The following ZNF423 variants were observed in gnomAD, a reference collection of about 807,000 sequenced individuals.
The protein encoded by ZNF423 is zinc finger protein 423.
A neutral mutation model predicts 95.8 loss-of-function variants in ZNF423; 12 were observed. That is an observed-to-expected ratio of 0.13 (90% confidence interval 0.08 to 0.20). The LOEUF (loss-of-function observed/expected upper bound fraction) is 0.20, where lower values mean the gene tolerates loss of function less well. Among genes scored for constraint, ZNF423 ranks in the 10% least tolerant of loss-of-function variants. The pLI is 1.00. For synonymous variants in ZNF423, 749 were observed against 711.9 expected (o/e 1.05, Z -0.83); for missense variants, 1,316 against 1,737.1 (o/e 0.76, Z 4.31).
At chr16:49,525,550 G>T in intron 5 of ZNF423, 56 bp from the exon 6 acceptor site, 2 of 1,607,268 alleles carry the variant, frequency 1.2e-6, no homozygotes, top group Non-Finnish European at 8.5e-7. Context: ...CCCCAGACAG[G>T]TGCTCACAAG....
In ZNF423 at chr16:49,726,856, CAAAAAAAAAAAAAAA is replaced by C. The variant is rs368675702; in HGVS notation, c.301+3900_301+3914del. Reference sequence around the variant, plus strand: ...ATTTAAAAGACAGAGTTCCCCCTAGCAAAAAAAAAAAAAAAAAAAAAAAAAAATGGCGAAGACCAG... The same window carrying C: ...ATTTAAAAGACAGAGTTCCCCCTAGCAAAAAAAAAAAATGGCGAAGACCAG... On this transcript the variant is annotated intron_variant, in intron 3 of 7. Transcript: ENST00000563137. 1.2e-3 allele frequency among the ~76,000 whole-genome samples: 116 copies of C among 94,758 alleles called. 2 individuals are homozygous for C. The highest frequency in any genetic ancestry group is 4.5e-3 in the African/African-American group (110 of 24,334). The allele number at this position is 94,758 out of a possible 152,430, so 62.2% of individuals were successfully genotyped here.
At chr16:49,763,350 C>T (rs914643909) in intron 2 of ZNF423, among the ~76,000 whole-genome samples, 1 of 152,076 alleles carries the variant, frequency 6.6e-6, no homozygotes, top group African/African-American at 2.4e-5. Context: ...ACAATCATGG[C>T]TCACTGCAGC....
intron 5 of ZNF423, among the ~76,000 whole-genome samples, chr16:49,604,909 C>A (rs1971487116): frequency 1.3e-5 from 2 of 152,284 alleles, no homozygotes; most frequent in African/African-American, 4.8e-5. Context: ...CCTGGGAGGG[C>A]AGAATCAGAA....
intron 1 of ZNF423, among the ~76,000 whole-genome samples, chr16:49,851,943 A>G (rs779207094): frequency 6.6e-6 from 1 of 152,216 alleles, no homozygotes; most frequent in Admixed American, 6.5e-5. Flanking sequence ...CCACATAGAA[A>G]GCTAAAGACC....
chr16:49,533,469 CCTT>C (rs779123590), intron 5 of ZNF423, among the ~76,000 whole-genome samples: 20 of 152,338 alleles, frequency 1.3e-4, no homozygotes, highest in Non-Finnish European at 2.5e-4. Context: ...CTCGCTCTCT[CCTT>C]CTCTGAAACT....
intron 1 of ZNF423, chr16:49,854,243 AAGG>A (rs1158837976): frequency 2.0e-6 from 2 of 985,292 alleles, no homozygotes; most frequent in African/African-American, 1.7e-5. Context: ...TCTCAGGGAA[AAGG>A]AGGAGTAGGA....
At chr16:49,625,886 T>C (rs1018248451) in intron 5 of ZNF423, among the ~76,000 whole-genome samples, 5 of 152,222 alleles carry the variant, frequency 3.3e-5, no homozygotes, top group African/African-American at 4.8e-5. Context: ...CCTGAGTGCT[T>C]GACAATTGGA....
rs548768369 is a variant in ZNF423 at position 49,490,372 on chromosome 16, G to A, written c.*903C>T. The A allele has an allele frequency of 6.6e-6, 1 of 152,366 alleles. No homozygotes were observed. The highest frequency in any genetic ancestry group is 1.9e-4 in the East Asian group (1 of 5,186). 9.4% of individuals were successfully genotyped at this position (152,366 alleles called of 1,614,324 possible). A position where few individuals can be genotyped will look rare whatever the true frequency, so the allele number is the denominator to read the frequency against. ...CCCATCCAAGAGTGGGAAGATCAGGGTATTCCATCATTAAGGGGTCTTCTG... is the reference window on the plus strand; with the variant it reads ...CCCATCCAAGAGTGGGAAGATCAGGATATTCCATCATTAAGGGGTCTTCTG... On this transcript the variant is annotated 3_prime_UTR_variant, in exon 8 of 8. Transcript: ENST00000563137.
intron 7 of ZNF423, among the ~76,000 whole-genome samples, chr16:49,503,218 C>T (rs1001167600): frequency 1.3e-5 from 2 of 152,206 alleles, no homozygotes; most frequent in Non-Finnish European, 2.9e-5. Context: ...AGCAGCCCCA[C>T]CTGCCCAGGA....
intron 5 of ZNF423, among the ~76,000 whole-genome samples, chr16:49,537,590 G>C (rs1352963849): frequency 6.6e-6 from 1 of 152,200 alleles, no homozygotes; most frequent in African/African-American, 2.4e-5. Context: ...GGGGAAGCGG[G>C]TCTTTCTTCA....
rs1596676055 is a variant in ZNF423 at position 49,585,777 on chromosome 16, A to C, written c.3601+40393T>G. On this transcript the variant is annotated intron_variant, in intron 5 of 7. Transcript: ENST00000563137. ...GATATGAATACAATGAGTGCTTATA[A>C]GGGATAATTACAAGGTGTCCGTCAT... 2.0e-5 allele frequency among the ~76,000 whole-genome samples: 3 copies of C among 152,372 alleles called. No homozygotes were observed. The South Asian group carries it at 6.2e-4, about 32-fold the overall frequency.
intron 2 of ZNF423, among the ~76,000 whole-genome samples, chr16:49,771,841 C>A (rs1013313177): frequency 6.6e-6 from 1 of 152,138 alleles, no homozygotes; most frequent in African/African-American, 2.4e-5. Context: ...AATGGACTCA[C>A]ACAGAGAAAA....
At position 49,637,924 on chromosome 16, in the gene ZNF423, T is replaced by A. The variant is rs765047965; in HGVS notation, c.1252A>T (p.Ser418Cys). 6.2e-7 allele frequency: 1 copy of A among 1,614,132 alleles called. No homozygotes were observed. Among genetic ancestry groups the A allele is most frequent in the Non-Finnish European group, 8.5e-7 (1 of 1,180,030 alleles). ...TCCCGCTTGGAACAATAGGGGCAGC[T>A]ATAGACCACCTTGGTCCAGCCCTGC... Reference protein sequence around the residue: ...DGQGWTKVVYSCPYCSKRDFN... With the variant: ...DGQGWTKVVYCCPYCSKRDFN... The change falls in exon 4 of 8, where the codon AGC (serine) becomes TGC (cysteine). Residue 418 changes from serine to cysteine, a missense_variant. By Grantham distance (112) the Ser-to-Cys change is moderately radical. Around this residue, in one of 6 missense-constraint regions of ZNF423, gnomAD observed 399 missense variants for 478.5 expected, o/e 0.83. Transcript: ENST00000563137. The surrounding 1 kb of genome is among the most constrained non-coding windows in gnomAD (Gnocchi z 5.6).
intron 5 of ZNF423, among the ~76,000 whole-genome samples, chr16:49,529,758 G>A (rs888499860): frequency 3.9e-5 from 6 of 152,158 alleles, no homozygotes; most frequent in East Asian, 1.9e-4. Flanking sequence ...GCACACATTC[G>A]GAGGCCATAA....
intron 2 of ZNF423, among the ~76,000 whole-genome samples, chr16:49,766,905 G>T (rs1206791002): frequency 6.6e-6 from 1 of 152,060 alleles, no homozygotes. Flanking sequence ...GAGGTCCTGG[G>T]ATGCAAACTT....
At chr16:49,817,740 G>C (rs1313930314) in intron 1 of ZNF423, among the ~76,000 whole-genome samples, 2 of 152,086 alleles carry the variant, frequency 1.3e-5, no homozygotes, top group Non-Finnish European at 2.9e-5. Context: ...CTTATCCCAG[G>C]GTTTCTGTTG....
intron 2 of ZNF423, among the ~76,000 whole-genome samples, chr16:49,747,423 T>TTA (rs895713051): frequency 3.3e-5 from 5 of 152,160 alleles, no homozygotes; most frequent in African/African-American, 1.2e-4. Flanking sequence ...TAAATACCAT[T>TTA]TATATGTATT....
chr16:49,655,824 G>A (rs1006216923), intron 3 of ZNF423, among the ~76,000 whole-genome samples: 3 of 152,142 alleles, frequency 2.0e-5, no homozygotes, highest in African/African-American at 4.8e-5. Flanking sequence ...CGGTCACTTC[G>A]CCCCTGAACC....
At chr16:49,711,135 A>G (rs2032530741) in intron 3 of ZNF423, 1 of 152,256 alleles carries the variant, frequency 6.6e-6, no homozygotes, top group South Asian at 2.1e-4. Context: ...CAGGTGGGAT[A>G]AAATAAGATG....
Sources: allele counts gnomAD v4.1 joint callset (sites outside exome capture counted in the v4.1 genomes callset), GRCh38; gene constraint gnomAD v4.1.1; regional missense constraint gnomAD v4.1.1; non-coding constraint Gnocchi (gnomAD v3.1); transcripts MANE v1.5; gene names NCBI Gene and HGNC (gene_info 2026-07-23, HGNC 2026-07-21).